NPAS2: variants seen among roughly 807,000 people sequenced by gnomAD.
NPAS2 encodes neuronal PAS domain-containing protein 2.
In NPAS2, 23 loss-of-function variants were observed where a neutral mutation model predicts 107.5. The observed-to-expected ratio is 0.21, with a 90% CI of 0.15 to 0.30. NPAS2 has a LOEUF of 0.30. Among genes scored for constraint, NPAS2 ranks in the 10% least tolerant of loss-of-function variants. The probability of loss-of-function intolerance (pLI) is 1.00; values close to 1 mark genes in which losing one functional copy is unlikely to be tolerated. For synonymous variants in NPAS2, 403 were observed against 417.5 expected (o/e 0.97, Z 0.42); for missense variants, 756 against 1,043.3 (o/e 0.72, Z 3.79).
intron 2 of NPAS2, among the ~76,000 whole-genome samples, chr2:100,921,913 A>C (rs1431957909): frequency 1.3e-5 from 2 of 152,192 alleles, no homozygotes; most frequent in Non-Finnish European, 2.9e-5. Flanking sequence ...TTACCCCTGA[A>C]CTGGAAATGA....
chr2:100,966,229 C>T (rs1676204829), intron 10 of NPAS2, among the ~76,000 whole-genome samples: 1 of 152,072 alleles, frequency 6.6e-6, no homozygotes, highest in Admixed American at 6.6e-5. Context: ...TCTGGGAAAG[C>T]CAGAAATGGG....
At chr2:100,873,994 T>A (rs1198467479) in intron 1 of NPAS2, among the ~76,000 whole-genome samples, 1 of 151,912 alleles carries the variant, frequency 6.6e-6, no homozygotes, top group Non-Finnish European at 1.5e-5. Flanking sequence ...TTTTGTTTTT[T>A]TTTGAGATGG....
chr2:100,888,313 T>C lies in NPAS2; in HGVS notation c.-22-16420T>C, dbSNP rs556106488. 1.7e-4 allele frequency among the ~76,000 whole-genome samples: 26 copies of C among 151,750 alleles called. 1 individual carries two copies. In the South Asian group the frequency reaches 3.8e-3, roughly 22 times the overall value. On this transcript the variant is annotated intron_variant, in intron 1 of 20. Coordinates refer to ENST00000335681, the MANE Select transcript of NPAS2 (RefSeq NM_002518.4). ...TGTGCTTGAGGGGTTTACCATCCAGTGGGGGAGGGTTGTGAACAGCTAAAG... is the reference window on the plus strand; with the variant it reads ...TGTGCTTGAGGGGTTTACCATCCAGCGGGGGAGGGTTGTGAACAGCTAAAG...
At chr2:100,916,693 C>A (rs1193216436) in intron 2 of NPAS2, among the ~76,000 whole-genome samples, 1 of 152,138 alleles carries the variant, frequency 6.6e-6, no homozygotes, top group Non-Finnish European at 1.5e-5. Context: ...TATAGAAGAA[C>A]TGAAAAATGC....
chr2:100,966,052 A>ATT (rs34848307), intron 10 of NPAS2, among the ~76,000 whole-genome samples: 1 of 148,484 alleles, frequency 6.7e-6, no homozygotes, highest in Non-Finnish European at 1.5e-5. Context: ...TGATGCAGGG[A>ATT]TTTTTTTTTT....
chr2:100,970,822 C>T (rs773203491), intron 11 of NPAS2, 168 bp from the exon 12 acceptor site: 25 of 515,398 alleles, frequency 4.9e-5, no homozygotes, highest in Non-Finnish European at 7.2e-5. Context: ...AGGCAGAGAA[C>T]GACGCTCATT....
chr2:100,965,946 C>T lies in NPAS2; in HGVS notation c.907+180C>T, dbSNP rs758437828. Among the ~76,000 whole-genome samples, 2 of 152,212 alleles carry T rather than the reference C, an allele frequency of 1.3e-5. No individual in the cohort carries two copies. The highest frequency in any genetic ancestry group is 4.8e-5 in the African/African-American group (2 of 41,456). The stretch of plus-strand genomic sequence containing the variant: ...GTGGAGGCCCCTTATCCGCGTCTAC[C>T]CCCATGTCACTGGAATTCACTTGGC... On this transcript the variant is annotated intron_variant, in intron 10 of 20. Coordinates refer to ENST00000335681, the MANE Select transcript of NPAS2 (RefSeq NM_002518.4). This position sits in a 1 kb window ranked among gnomAD's most constrained non-coding sequence, Gnocchi z 4.3.
In NPAS2 at chr2:100,909,864, G is replaced by A. The variant is rs79852677; in HGVS notation, c.32+5078G>A. ...GTGATTCTGTTCTCAAAACAAAGGG[G>A]AAAGTAGAACTGTACTTGCAGGCAG... On this transcript the variant is annotated intron_variant, in intron 2 of 20. Transcript: ENST00000335681. Among the ~76,000 whole-genome samples the A allele has an allele frequency of 3.9e-3, 598 of 152,248 alleles. 5 individuals are homozygous for A. The highest frequency in any genetic ancestry group is 0.014 in the African/African-American group (571 of 41,530).
intron 5 of NPAS2, among the ~76,000 whole-genome samples, chr2:100,944,411 C>T (rs775036219): frequency 2.6e-5 from 4 of 152,064 alleles, no homozygotes; most frequent in Non-Finnish European, 5.9e-5. Flanking sequence ...GTTCAAGGCC[C>T]GTCAGGCAAT....
intron 1 of NPAS2, among the ~76,000 whole-genome samples, chr2:100,862,827 C>T (rs944549120): frequency 6.6e-6 from 1 of 152,146 alleles, no homozygotes; most frequent in Non-Finnish European, 1.5e-5. Flanking sequence ...TGCTCTTGTA[C>T]GCCTCCCATT....
At chr2:100,982,573 C>A in intron 16 of NPAS2, 196 bp downstream of exon 16, 1 of 626,806 alleles carries the variant, frequency 1.6e-6, no homozygotes, top group Non-Finnish European at 2.8e-6. Flanking sequence ...CTCCAGGCCA[C>A]ACCCCTGATG....
At chr2:100,828,861 AT>A (rs1676552289) in intron 1 of NPAS2, among the ~76,000 whole-genome samples, 1 of 152,116 alleles carries the variant, frequency 6.6e-6, no homozygotes. Context: ...TCTGCTTAGG[AT>A]TCCTTTGGCT....
intron 3 of NPAS2, among the ~76,000 whole-genome samples, chr2:100,926,487 G>A (rs1297743202): frequency 6.6e-6 from 1 of 151,996 alleles, no homozygotes; most frequent in Non-Finnish European, 1.5e-5. Context: ...CTCCCTAGTG[G>A]GTATGAAGTG....
chr2:100,995,960 A>G lies in NPAS2; in HGVS notation c.*378A>G. The G allele has an allele frequency of 7.5e-7, 1 of 1,339,270 alleles. No homozygotes were observed. The highest frequency in any genetic ancestry group is 4.3e-5 in the East Asian group (1 of 23,414). The allele number at this position is 1,339,270 out of a possible 1,614,324, so 83.0% of individuals were successfully genotyped here. On this transcript the variant is annotated 3_prime_UTR_variant, in exon 21 of 21. Coordinates refer to ENST00000335681, the MANE Select transcript of NPAS2 (RefSeq NM_002518.4). ...CGCCCATCTGCGCTAGCTGGCCTTC[A>G]CGCTCTTGATCGTCTTTCCTTTGTA...
chr2:100,957,564 C>T lies in NPAS2; in HGVS notation c.599-6494C>T, dbSNP rs182636185. 1.6e-3 allele frequency among the ~76,000 whole-genome samples: 249 copies of T among 152,366 alleles called. 2 individuals carry two copies. Among genetic ancestry groups the T allele is most frequent in the African/African-American group, 5.8e-3 (242 of 41,594 alleles). On this transcript the variant is annotated intron_variant, in intron 7 of 20. Coordinates refer to ENST00000335681, the MANE Select transcript of NPAS2 (RefSeq NM_002518.4). Reference sequence around the variant, plus strand: ...TGCCTCCTTTCTCAAACCCCAGGTGCCCAAGTCCTGTAGCCCCACCTGACC... The same window carrying T: ...TGCCTCCTTTCTCAAACCCCAGGTGTCCAAGTCCTGTAGCCCCACCTGACC...
At chr2:100,868,652 T>G (rs1055872825) in intron 1 of NPAS2, among the ~76,000 whole-genome samples, 7 of 152,210 alleles carry the variant, frequency 4.6e-5, no homozygotes, top group Non-Finnish European at 1.0e-4. Flanking sequence ...TACTCTCCCT[T>G]TTATATTTTC....
intron 1 of NPAS2, among the ~76,000 whole-genome samples, chr2:100,849,410 G>C (rs994072131): frequency 3.9e-5 from 6 of 152,136 alleles, no homozygotes; most frequent in African/African-American, 1.2e-4. Context: ...CAAAGACAAG[G>C]GCTGTGAGTT....
intron 16 of NPAS2, 131 bp downstream of exon 16, chr2:100,982,508 A>G (rs911794380): frequency 9.7e-7 from 1 of 1,027,018 alleles, no homozygotes. Context: ...TGCTTATGAA[A>G]GCATATTGCA....
At chr2:100,876,078 AT>A (rs1038825201) in intron 1 of NPAS2, among the ~76,000 whole-genome samples, 1 of 151,428 alleles carries the variant, frequency 6.6e-6, no homozygotes, top group African/African-American at 2.4e-5. Flanking sequence ...TACCACTCTA[AT>A]TTTTTTTTGT....
Sources: gnomAD v4.1 joint callset for allele counts (sites outside exome capture counted in the v4.1 genomes callset) on GRCh38, gnomAD v4.1.1 for gene constraint, Gnocchi (gnomAD v3.1) non-coding constraint, MANE v1.5 for transcripts, NCBI Gene and HGNC (gene_info 2026-07-23, HGNC 2026-07-21) for gene names.